MAD1L1: variants seen among roughly 807,000 people sequenced by gnomAD.
MAD1L1 encodes mitotic spindle assembly checkpoint protein MAD1.
Under a neutral mutation model 96.9 loss-of-function variants are expected in MAD1L1, and 95 were observed. The ratio of observed to expected loss-of-function variants is 0.98; its 90% CI spans 0.83 to 1.16. The LOEUF (loss-of-function observed/expected upper bound fraction) is 1.16. Among genes scored for constraint, MAD1L1 ranks in the 50% most tolerant of loss-of-function variants. MAD1L1 has a pLI of 0.00. For synonymous variants in MAD1L1, 473 were observed against 396.6 expected (o/e 1.19, Z -2.29); for missense variants, 1,007 against 954.4 (o/e 1.06, Z -0.73).
intron 18 of MAD1L1, among the ~76,000 whole-genome samples, chr7:1,856,086 C>T (rs1230934101): frequency 2.0e-5 from 3 of 152,196 alleles, no homozygotes; most frequent in Non-Finnish European, 4.4e-5. Flanking sequence ...GGCTGCACTT[C>T]CTAATCCCTC....
At chr7:2,212,180 G>C (rs888161086) in intron 10 of MAD1L1, among the ~76,000 whole-genome samples, 23 of 152,186 alleles carry the variant, frequency 1.5e-4, no homozygotes, top group African/African-American at 5.1e-4. Flanking sequence ...GGGAAGGATG[G>C]GGCAGGAGGA....
intron 12 of MAD1L1, among the ~76,000 whole-genome samples, chr7:2,041,041 C>G (rs1201090398): frequency 1.3e-5 from 2 of 152,190 alleles, no homozygotes; most frequent in African/African-American, 4.8e-5. Context: ...GGGCTCCATC[C>G]TACCCCCTGC....
At chr7:1,847,624 G>T (rs901141215) in intron 18 of MAD1L1, 2 of 470,966 alleles carry the variant, frequency 4.2e-6, no homozygotes, top group Admixed American at 2.3e-5. Context: ...CCCTGGGCAG[G>T]CCTCGCCCCC....
intron 18 of MAD1L1, among the ~76,000 whole-genome samples, chr7:1,837,866 T>G (rs4719308): frequency 0.38 from 57,921 of 151,718 alleles, 11,329 homozygotes; most frequent in Admixed American, 0.51. Flanking sequence ...CACGGGTGCG[T>G]GTATACAGAT....
At chr7:1,997,004 A>G (rs952684944) in intron 14 of MAD1L1, among the ~76,000 whole-genome samples, 2 of 152,186 alleles carry the variant, frequency 1.3e-5, no homozygotes, top group Admixed American at 1.3e-4. Context: ...GGGCCTAGCT[A>G]ATTAGGGGGG....
At chr7:1,906,397 G>A (rs560647392) in intron 17 of MAD1L1, among the ~76,000 whole-genome samples, 33 of 152,302 alleles carry the variant, frequency 2.2e-4, no homozygotes, top group Non-Finnish European at 4.0e-4. Context: ...TGGGTGCCCC[G>A]GCCTGGCTGC....
At chr7:1,821,233 CCA>C (rs1342954659) in intron 18 of MAD1L1, among the ~76,000 whole-genome samples, 2 of 151,982 alleles carry the variant, frequency 1.3e-5, no homozygotes. Context: ...TCCTCGAAAA[CCA>C]CATACTACCA....
intron 10 of MAD1L1, among the ~76,000 whole-genome samples, chr7:2,165,648 C>T (rs7796066): frequency 2.2e-3 from 342 of 152,290 alleles, no homozygotes; most frequent in African/African-American, 7.6e-3. Flanking sequence ...GTCCACGGCA[C>T]GAAACGACCA....
chr7:2,044,845 G>A (rs1053844660), intron 12 of MAD1L1, among the ~76,000 whole-genome samples: 5 of 152,134 alleles, frequency 3.3e-5, no homozygotes, highest in African/African-American at 1.2e-4. Context: ...CACCCTCTCA[G>A]CTCCTGTGCC....
intron 2 of MAD1L1, 112 bp from the exon 3 acceptor site, chr7:2,230,255 A>C: frequency 7.2e-5 from 53 of 735,622 alleles, no homozygotes; most frequent in Non-Finnish European, 1.1e-4. Context: ...ATTGGAGCTC[A>C]TAATACACCC....
Position 2,103,071 on chromosome 7 carries a change from G to A in MAD1L1, c.1074-33733C>T, listed in dbSNP as rs73038460. ...TCAGCGCTGGGTCAGGCCTGGCCAC[G>A]CTGCCTGCCTGCTGGAGACGCGCGT... On this transcript the variant is annotated intron_variant, in intron 11 of 18. Coordinates refer to ENST00000265854, the MANE Select transcript of MAD1L1 (RefSeq NM_001013836.2). The surrounding 1 kb of genome is among the most constrained non-coding windows in gnomAD (Gnocchi z 4.3). 4.9e-4 allele frequency among the ~76,000 whole-genome samples: 75 copies of A among 152,286 alleles called. 1 individual carries two copies. Among genetic ancestry groups the A allele is most frequent in the Non-Finnish European group, 7.4e-4 (50 of 68,024 alleles).
intron 17 of MAD1L1, among the ~76,000 whole-genome samples, chr7:1,918,220 G>A (rs1420545680): frequency 1.3e-5 from 2 of 152,172 alleles, no homozygotes; most frequent in African/African-American, 4.8e-5. Context: ...CGATGGCCCA[G>A]TGGGGACCGC....
chr7:2,190,019 G>A (rs189583770), intron 10 of MAD1L1, among the ~76,000 whole-genome samples: 130 of 152,116 alleles, frequency 8.5e-4, no homozygotes, highest in African/African-American at 3.0e-3. Flanking sequence ...AAAAATAAAC[G>A]AAATAAAAAG....
chr7:1,829,512 C>G (rs1782598147), intron 18 of MAD1L1: 1 of 152,200 alleles, frequency 6.6e-6, no homozygotes, highest in Admixed American at 6.5e-5. Context: ...CTGGTGAGGT[C>G]TCTGAGCAGA....
At chr7:2,222,504 A>G (rs2115010223) in intron 5 of MAD1L1, 71 bp downstream of exon 5, 1 of 1,380,474 alleles carries the variant, frequency 7.2e-7, no homozygotes, top group Non-Finnish European at 9.7e-7. Context: ...CGGGCACTGC[A>G]GTGGCAAACA....
intron 15 of MAD1L1, among the ~76,000 whole-genome samples, chr7:1,979,103 G>A (rs1328716623): frequency 1.3e-5 from 2 of 152,206 alleles, no homozygotes; most frequent in Admixed American, 6.5e-5. Flanking sequence ...TGAGAAAGAG[G>A]GGCCATCCAC....
chr7:2,061,704 G>A (rs888302601), intron 12 of MAD1L1, among the ~76,000 whole-genome samples: 1 of 152,248 alleles, frequency 6.6e-6, no homozygotes, highest in Non-Finnish European at 1.5e-5. Flanking sequence ...CGTCATACAC[G>A]TGTTAAAACG....
chr7:2,056,972 G>A lies in MAD1L1; in HGVS notation c.1218+12222C>T, dbSNP rs374456101. On this transcript the variant is annotated intron_variant, in intron 12 of 18. Transcript: ENST00000265854. The stretch of plus-strand genomic sequence containing the variant: ...ACCAAGCCCCACCACGGTCTAGCAC[G>A]GCAGATGGACACAGCTCTCCCCGCA... 6.4e-4 allele frequency among the ~76,000 whole-genome samples: 98 copies of A among 152,312 alleles called. No individual in the cohort carries two copies. The Middle Eastern group carries it at 0.01, about 16-fold the overall frequency.
intron 11 of MAD1L1, among the ~76,000 whole-genome samples, chr7:2,070,711 T>C (rs3823624): frequency 0.17 from 25,766 of 152,096 alleles, 2,614 homozygotes; most frequent in Middle Eastern, 0.31. Flanking sequence ...AGCACTGGGA[T>C]AGAGAAAAGC....
Sources: allele counts gnomAD v4.1 joint callset (sites outside exome capture counted in the v4.1 genomes callset), GRCh38; gene constraint gnomAD v4.1.1; non-coding constraint Gnocchi (gnomAD v3.1); transcripts MANE v1.5; gene names NCBI Gene and HGNC (gene_info 2026-07-23, HGNC 2026-07-21).